The following ALOX5 variants were observed in gnomAD, a reference collection of about 807,000 sequenced individuals.
ALOX5 encodes the protein arachidonate 5-lipoxygenase, also known as polyunsaturated fatty acid 5-lipoxygenase.
ALOX5 carries 64 observed loss-of-function variants against 87.9 expected under a neutral mutation model. The ratio of observed to expected loss-of-function variants is 0.73; its 90% CI spans 0.60 to 0.90. The LOEUF is 0.90. ALOX5 is among the 40% of genes least tolerant of loss of function. The pLI, the probability that ALOX5 is intolerant of heterozygous loss-of-function variation, is 0.00. For missense variants in ALOX5, 822 were observed against 907.5 expected (o/e 0.91, Z 1.21); for synonymous variants, 388 against 355.1 (o/e 1.09, Z -1.04).
intron 3 of ALOX5, among the ~76,000 whole-genome samples, chr10:45,397,215 T>C (rs1840543733): frequency 6.6e-6 from 1 of 152,146 alleles, no homozygotes; most frequent in East Asian, 1.9e-4. Flanking sequence ...ACCCCGTCTA[T>C]ACTAAAATAC....
At chr10:45,383,358 A>G (rs748318559) in intron 2 of ALOX5, among the ~76,000 whole-genome samples, 1 of 152,276 alleles carries the variant, frequency 6.6e-6, no homozygotes, top group Non-Finnish European at 1.5e-5. Flanking sequence ...AGACGGACGC[A>G]GGCGTCAAGG....
intron 7 of ALOX5, among the ~76,000 whole-genome samples, chr10:45,433,608 CATT>C (rs1213282688): frequency 2.0e-5 from 3 of 152,124 alleles, no homozygotes; most frequent in Non-Finnish European, 4.4e-5. Flanking sequence ...CAGGCAAAAT[CATT>C]AATCAATACA....
At chr10:45,391,568 A>G (rs865966964) in intron 2 of ALOX5, among the ~76,000 whole-genome samples, 3,245 of 148,982 alleles carry the variant, frequency 0.022, 112 homozygotes, top group African/African-American at 0.077. Flanking sequence ...TCTGGGATGT[A>G]AGGAGCCCCT....
At chr10:45,393,465 G>C (rs1242109043) in intron 2 of ALOX5, among the ~76,000 whole-genome samples, 9 of 152,094 alleles carry the variant, frequency 5.9e-5, no homozygotes, top group Non-Finnish European at 1.3e-4. Flanking sequence ...AAAATAATAA[G>C]AGCTATTTAT....
At chr10:45,397,736 A>G (rs1229473302) in intron 3 of ALOX5, among the ~76,000 whole-genome samples, 3 of 152,178 alleles carry the variant, frequency 2.0e-5, no homozygotes, top group African/African-American at 7.2e-5. Context: ...AAAAAGTTCA[A>G]TTTACAATAG....
intron 6 of ALOX5, among the ~76,000 whole-genome samples, chr10:45,428,058 T>C (rs1469290212): frequency 8.1e-6 from 1 of 122,850 alleles, no homozygotes; most frequent in East Asian, 2.1e-4. Flanking sequence ...CCCGCAGACC[T>C]TCCCTACCTC....
At position 45,411,140 on chromosome 10, in the gene ALOX5, G is replaced by A. The variant is rs147174641; in HGVS notation, c.432-1051G>A. ...TTTGTAAACTGTCATGGCACTGGTG[G>A]GAGTTTCTTTTAGCATGCTAATGCA... On this transcript the variant is annotated intron_variant, in intron 3 of 13. Coordinates refer to ENST00000374391, the MANE Select transcript of ALOX5 (RefSeq NM_000698.5). 9.6e-3 allele frequency among the ~76,000 whole-genome samples: 1,458 copies of A among 152,300 alleles called. 19 individuals are homozygous for A. The highest frequency in any genetic ancestry group is 0.012 in the Non-Finnish European group (821 of 68,026).
In ALOX5 at chr10:45,409,509, G is replaced by GTCTGTCTCTC. The variant is rs1554793817; in HGVS notation, c.432-2679_432-2678insGTCTCTCTCT. Reference sequence around the variant, plus strand: ...CCCCTTAGGATCTCTCTGTCTGTCTGTCTCTCTCTCTCTCTCTCTCTCTCT... The same window carrying GTCTGTCTCTC: ...CCCCTTAGGATCTCTCTGTCTGTCTGTCTGTCTCTCTCTCTCTCTCTCTCTCTCTCTCTCT... On this transcript the variant is annotated intron_variant, in intron 3 of 13. Coordinates refer to ENST00000374391, the MANE Select transcript of ALOX5 (RefSeq NM_000698.5). Among the ~76,000 whole-genome samples, 52 of 129,902 alleles carry GTCTGTCTCTC rather than the reference G, an allele frequency of 4.0e-4. 1 individual carries two copies. Among genetic ancestry groups the GTCTGTCTCTC allele is most frequent in the African/African-American group, 1.5e-3 (52 of 34,890 alleles). 85.2% of individuals were successfully genotyped at this position (129,902 alleles called of 152,430 possible). A position where few individuals can be genotyped will look rare whatever the true frequency, so the allele number is the denominator to read the frequency against.
In ALOX5 at chr10:45,382,577, A is replaced by T; in HGVS notation, c.245A>T (p.Tyr82Phe). ...KRKYWLNDDW[Y>F]LKYITLKTPH... The stretch of plus-strand genomic sequence containing the variant: ...AAGTACTGGCTGAATGACGACTGGT[A>T]CCTGAAGTACATCACGCTGAAGACG... Residue 82 changes from tyrosine (Y) to phenylalanine (F), a missense_variant, in exon 2 of 14, where the codon TAC (tyrosine) becomes TTC (phenylalanine). Tyr to Phe is a conservative substitution (Grantham distance 22). Transcript: ENST00000374391. 6.2e-7 allele frequency: 1 copy of T among 1,614,178 alleles called. No individual in the cohort carries two copies. The highest frequency in any genetic ancestry group is 8.5e-7 in the Non-Finnish European group (1 of 1,180,042).
At chr10:45,413,473 C>T (rs1841149551) in intron 4 of ALOX5, among the ~76,000 whole-genome samples, 1 of 152,150 alleles carries the variant, frequency 6.6e-6, no homozygotes, top group South Asian at 2.1e-4. Context: ...ATGACAGACC[C>T]ACAGCCAATA....
Position 45,374,402 on chromosome 10 carries a change from C to T in ALOX5, c.123C>T (p.Pro41=). 3 of 1,565,242 alleles carry T rather than the reference C, an allele frequency of 1.9e-6. No individual in the cohort carries two copies. The highest frequency in any genetic ancestry group is 2.6e-6 in the Non-Finnish European group (3 of 1,160,366). ...GCSEKHLLDK[P]FYNDFERGAV... ...GCGAGAAGCACCTGCTGGACAAGCC[C>T]TTCTACAACGACTTCGAGCGTGGCG... The change falls in exon 1 of 14, where the codon CCC becomes CCT. Residue 41 remains proline, a synonymous_variant. Transcript: ENST00000374391.
At chr10:45,438,291 A>G (rs74336000) in intron 7 of ALOX5, among the ~76,000 whole-genome samples, 1,562 of 152,206 alleles carry the variant, frequency 0.01, 29 homozygotes, top group African/African-American at 0.036. Context: ...GTTCAATATC[A>G]TGTTGCCGGC....
At chr10:45,380,410 C>A (rs1057448602) in intron 1 of ALOX5, among the ~76,000 whole-genome samples, 1 of 152,206 alleles carries the variant, frequency 6.6e-6, no homozygotes, top group African/African-American at 2.4e-5. Context: ...GTCAGCCACC[C>A]CAAACTGCTC....
At position 45,424,166 on chromosome 10, in the gene ALOX5, GC is replaced by G. The variant is rs1841610687; in HGVS notation, c.661+22del. On this transcript the variant is annotated intron_variant, in intron 5 of 13. Transcript: ENST00000374391. ...ATTTCTGGTGAGTGTGCCTCTGGGG[GC>G]CCAAGTGGTGCTGGGGACAGGGGAT... The G allele has an allele frequency of 6.3e-7, 1 of 1,591,168 alleles. No homozygotes were observed. Among genetic ancestry groups the G allele is most frequent in the African/African-American group, 1.3e-5 (1 of 74,456 alleles).
chr10:45,431,077 A>G (rs917390055), intron 7 of ALOX5, among the ~76,000 whole-genome samples: 16 of 152,248 alleles, frequency 1.1e-4, no homozygotes, highest in Non-Finnish European at 1.9e-4. Context: ...GAGAGCTACC[A>G]CCATAATTTA....
At chr10:45,389,334 T>A (rs1459225672) in intron 2 of ALOX5, among the ~76,000 whole-genome samples, 1 of 152,028 alleles carries the variant, frequency 6.6e-6, no homozygotes, top group Non-Finnish European at 1.5e-5. Context: ...ATTCAGGAAA[T>A]ACAGAGAACA....
intron 7 of ALOX5, among the ~76,000 whole-genome samples, chr10:45,437,039 T>C (rs946272994): frequency 2.0e-5 from 3 of 152,268 alleles, no homozygotes; most frequent in East Asian, 1.9e-4. Flanking sequence ...AACCTGAACA[T>C]TGTTGGTGCA....
intron 4 of ALOX5, among the ~76,000 whole-genome samples, chr10:45,413,970 C>A (rs975895534): frequency 3.3e-5 from 5 of 152,186 alleles, no homozygotes; most frequent in Non-Finnish European, 7.3e-5. Flanking sequence ...ACATTCCATG[C>A]TCATGGATAG....
intron 2 of ALOX5, among the ~76,000 whole-genome samples, chr10:45,383,855 G>A (rs1396215399): frequency 6.6e-6 from 1 of 152,106 alleles, no homozygotes; most frequent in Non-Finnish European, 1.5e-5. Context: ...TATTCCTGTG[G>A]TCAACAGAAT....
Sources: gnomAD v4.1 joint callset for allele counts (sites outside exome capture counted in the v4.1 genomes callset) on GRCh38, gnomAD v4.1.1 for gene constraint, MANE v1.5 for transcripts, NCBI Gene and HGNC (gene_info 2026-07-23, HGNC 2026-07-21) for gene names.